PSMC6: variants seen among roughly 807,000 people sequenced by gnomAD.
The protein encoded by PSMC6 is 26S proteasome regulatory subunit 10B.
Under a neutral mutation model 55.9 loss-of-function variants are expected in PSMC6, and 3 were observed. That is an observed-to-expected ratio of 0.05 (90% CI 0.02 to 0.14). The LOEUF (loss-of-function observed/expected upper bound fraction) is 0.14, where lower values mean the gene tolerates loss of function less well. PSMC6 is among the 10% of genes least tolerant of loss of function. The probability of loss-of-function intolerance (pLI) is 1.00; values close to 1 mark genes in which losing one functional copy is unlikely to be tolerated. For synonymous variants in PSMC6, 137 were observed against 155.9 expected (o/e 0.88, Z 0.90); for missense variants, 210 against 478.7 (o/e 0.44, Z 5.24).
intron 12 of PSMC6, chr14:52,722,175 T>G (rs1352322804): frequency 1.3e-5 from 2 of 152,330 alleles, no homozygotes; most frequent in Non-Finnish European, 2.9e-5. Context: ...ATTGGTAATC[T>G]TGTCAAAAGT....
At chr14:52,710,181 A>G (rs1194346012) in intron 4 of PSMC6, 1 of 152,502 alleles carries the variant, frequency 6.6e-6, no homozygotes, top group African/African-American at 2.4e-5. Flanking sequence ...TAATCCCAGC[A>G]CTTTGGGAGG....
At chr14:52,712,584 C>T (rs1263110921) in intron 6 of PSMC6, among the ~76,000 whole-genome samples, 1 of 152,060 alleles carries the variant, frequency 6.6e-6, no homozygotes, top group Non-Finnish European at 1.5e-5. Context: ...TCTCTCACTT[C>T]TGGCTTTTCC....
In PSMC6 at chr14:52,707,241, G is replaced by T; in HGVS notation, c.22G>T (p.Ala8Ser). 4 of 1,614,134 alleles carry T rather than the reference G, an allele frequency of 2.5e-6. No individual in the cohort carries two copies. In the South Asian group the frequency reaches 3.3e-5, roughly 13 times the overall value. Reference protein sequence around the residue: MADPRDKALQDYRKKLLE... With the variant: MADPRDKSLQDYRKKLLE... ...CATCATGGCGGACCCTAGAGATAAG[G>T]CGCTTCAGGACTACCGCAAGAAGTT... The change falls in exon 1 of 14, where the codon GCG becomes TCG. Residue 8 changes from alanine (A) to serine (S), a missense_variant. Coordinates refer to ENST00000445930, the MANE Select transcript of PSMC6 (RefSeq NM_002806.5).
At position 52,708,827 on chromosome 14, in the gene PSMC6, A is replaced by G. The variant is rs374744569; in HGVS notation, c.258+11A>G. On this transcript the variant is annotated intron_variant, in intron 4 of 13. Transcript: ENST00000445930. Reference sequence around the variant, plus strand: ...GGTTGTCGTCGACAGGTAATACTTTATATTTGTATAGTGCCTGATGATTGA... The same window carrying G: ...GGTTGTCGTCGACAGGTAATACTTTGTATTTGTATAGTGCCTGATGATTGA... The G allele has an allele frequency of 1.9e-5, 31 of 1,612,984 alleles. No homozygotes were observed. The highest frequency in any genetic ancestry group is 1.7e-5 in the Admixed American group (1 of 59,820).
chr14:52,709,606 A>C, intron 4 of PSMC6: 1 of 456,000 alleles, frequency 2.2e-6, no homozygotes, highest in South Asian at 1.6e-5. Context: ...TGGCATTTCT[A>C]AGATATTTCA....
chr14:52,707,906 G>A (rs1273828441), intron 1 of PSMC6, among the ~76,000 whole-genome samples: 8 of 152,276 alleles, frequency 5.3e-5, no homozygotes, highest in African/African-American at 1.9e-4. Flanking sequence ...TGATTCTGTG[G>A]AGAACTGCAT....
At chr14:52,707,422 C>T (rs1161699155) in intron 1 of PSMC6, 118 bp downstream of exon 1, 15 of 1,380,844 alleles carry the variant, frequency 1.1e-5, no homozygotes, top group African/African-American at 7.2e-5. Context: ...GGCCTAGGGC[C>T]AGGGACAAGG....
At chr14:52,711,921 G>C (rs1013818430) in intron 6 of PSMC6, among the ~76,000 whole-genome samples, 1 of 152,176 alleles carries the variant, frequency 6.6e-6, no homozygotes, top group Non-Finnish European at 1.5e-5. Context: ...CAGAAGAGTA[G>C]GGTACCTGTT....
intron 12 of PSMC6, 131 bp from the exon 13 acceptor site, chr14:52,723,834 G>A: frequency 6.9e-7 from 1 of 1,439,602 alleles, no homozygotes; most frequent in Non-Finnish European, 9.1e-7. Context: ...TTAATATTGT[G>A]GAAAGTTAAC....
At chr14:52,725,585 A>C (rs934245719) in intron 13 of PSMC6, among the ~76,000 whole-genome samples, 6 of 152,266 alleles carry the variant, frequency 3.9e-5, no homozygotes, top group South Asian at 2.1e-4. Flanking sequence ...GCTGGAGTGC[A>C]GTGGCATGAT....
chr14:52,718,163 T>C (rs1271307922), intron 8 of PSMC6, 21 bp downstream of exon 8: 1 of 1,611,720 alleles, frequency 6.2e-7, no homozygotes, highest in Admixed American at 1.7e-5. Flanking sequence ...GATTATTTTG[T>C]ACTTATTGAA....
At chr14:52,726,943 T>C (rs751506520) in intron 13 of PSMC6, among the ~76,000 whole-genome samples, 1 of 147,750 alleles carries the variant, frequency 6.8e-6, no homozygotes, top group African/African-American at 2.5e-5. Flanking sequence ...TGCCCAGCCT[T>C]GAACCGGATG....
Position 52,715,457 on chromosome 14 carries a change from G to A in PSMC6, c.529+1489G>A, listed in dbSNP as rs555769629. Among the ~76,000 whole-genome samples, 9 of 152,078 alleles carry A rather than the reference G, an allele frequency of 5.9e-5. No homozygotes were observed. In the South Asian group the frequency reaches 6.2e-4, roughly 11 times the overall value. ...CAAGACTGGTTTTTGGTTATTTGGC[G>A]CACATTTTTTCCAAAGCGAACAAAT... On this transcript the variant is annotated intron_variant, in intron 7 of 13. Transcript: ENST00000445930.
chr14:52,712,607 A>G (rs2041785777), intron 6 of PSMC6, among the ~76,000 whole-genome samples: 1 of 152,034 alleles, frequency 6.6e-6, no homozygotes, highest in East Asian at 1.9e-4. Flanking sequence ...GTCACGCTTT[A>G]TGCACATATG....
In PSMC6 at chr14:52,711,084, T is replaced by C. The variant is rs2041767253; in HGVS notation, c.259-17T>C. On this transcript the variant is annotated splice_polypyrimidine_tract_variant and intron_variant, in intron 4 of 13. Transcript: ENST00000445930. ...TTTTTAAGTGTTGATGTAATATCTT[T>C]TGTTTTACAAAACTAGCTTGACAAA... 3 of 1,584,572 alleles carry C rather than the reference T, an allele frequency of 1.9e-6. No individual in the cohort carries two copies. The highest frequency in any genetic ancestry group is 1.8e-4 in the Middle Eastern group (1 of 5,602).
At chr14:52,712,480 T>C (rs2041784231) in intron 6 of PSMC6, among the ~76,000 whole-genome samples, 1 of 151,962 alleles carries the variant, frequency 6.6e-6, no homozygotes, top group Non-Finnish European at 1.5e-5. Context: ...TCAACAGTGA[T>C]TTGCTGCATT....
chr14:52,721,329 G>A (rs952936715), intron 12 of PSMC6, 139 bp downstream of exon 12: 5 of 700,880 alleles, frequency 7.1e-6, no homozygotes, highest in African/African-American at 5.5e-5. Context: ...TAGTTATTGA[G>A]CATCTACTAT....
At chr14:52,722,634 G>A (rs1203476275) in intron 12 of PSMC6, 1 of 152,170 alleles carries the variant, frequency 6.6e-6, no homozygotes, top group Non-Finnish European at 1.5e-5. Flanking sequence ...AGTGTTCTTA[G>A]AGATTTGAGG....
intron 7 of PSMC6, 25 bp from the exon 8 acceptor site, chr14:52,718,056 T>C (rs778654482): frequency 2.5e-6 from 4 of 1,609,576 alleles, no homozygotes; most frequent in Middle Eastern, 2.2e-4. Context: ...TACCATCTAA[T>C]TAAGACTTCT....
Sources: gnomAD v4.1 joint callset for allele counts (sites outside exome capture counted in the v4.1 genomes callset) on GRCh38, gnomAD v4.1.1 for gene constraint, MANE v1.5 for transcripts, NCBI Gene and HGNC (gene_info 2026-07-23, HGNC 2026-07-21) for gene names.